CSMD1: variants seen among roughly 807,000 people sequenced by gnomAD.
The protein encoded by CSMD1 is CUB and Sushi multiple domains 1, also known as CUB and sushi domain-containing protein 1.
In CSMD1, 213 loss-of-function variants were observed where a neutral mutation model predicts 417.5. The ratio of observed to expected loss-of-function variants is 0.51; its 90% CI spans 0.46 to 0.57. The LOEUF is 0.57. Ranked by LOEUF, CSMD1 falls within the 20% of genes least tolerant of loss-of-function variation. The pLI is 0.00. For synonymous variants in CSMD1, 2,862 were observed against 1,736.8 expected, an observed-to-expected ratio of 1.65 and a Z score of -16.11; for missense variants, 6,923 against 4,529.7, an observed-to-expected ratio of 1.53 and a Z score of -15.17.
At position 4,763,297 on chromosome 8, in the gene CSMD1, G is replaced by A. The variant is rs543464304; in HGVS notation, c.86-125739C>T. On this transcript the variant is annotated intron_variant, in intron 1 of 69. Coordinates refer to ENST00000635120, the MANE Select transcript of CSMD1 (RefSeq NM_033225.6). ...ATTTCATGTGCTTTGTAGATATAAA[G>A]TAACTCTTTCCCTCCTGAATGATCT... Among the ~76,000 whole-genome samples, 18 of 152,254 alleles carry A rather than the reference G, an allele frequency of 1.2e-4. No homozygotes were observed. In the South Asian group the frequency reaches 2.9e-3, roughly 25 times the overall value.
intron 10 of CSMD1, among the ~76,000 whole-genome samples, chr8:3,560,858 G>C (rs1799439747): frequency 6.6e-6 from 1 of 152,082 alleles, no homozygotes. Context: ...AGGGTCTTTT[G>C]TAGAATTTCA....
chr8:3,263,458 G>C (rs1360758855), intron 26 of CSMD1, among the ~76,000 whole-genome samples: 2 of 152,000 alleles, frequency 1.3e-5, no homozygotes, highest in Non-Finnish European at 2.9e-5. Context: ...GGATACATTG[G>C]GTCTTTGTTT....
chr8:3,798,722 A>T (rs1800297985), intron 5 of CSMD1, among the ~76,000 whole-genome samples: 1 of 152,164 alleles, frequency 6.6e-6, no homozygotes, highest in Non-Finnish European at 1.5e-5. Context: ...CTGTATGTAT[A>T]CATATACAAA....
At chr8:4,127,650 C>A (rs1306680898) in intron 3 of CSMD1, among the ~76,000 whole-genome samples, 3 of 151,962 alleles carry the variant, frequency 2.0e-5, no homozygotes, top group Non-Finnish European at 2.9e-5. Context: ...ACCACTCACC[C>A]CCTTTACTTA....
In CSMD1 at chr8:3,387,669, C is replaced by G. The variant is rs1335435632; in HGVS notation, c.2607G>C (p.Glu869Asp). The G allele has an allele frequency of 2.5e-6, 4 of 1,596,002 alleles. No homozygotes were observed. The African/African-American group carries it at 4.0e-5, about 16-fold the overall frequency. The change falls in exon 18 of 70, where the codon GAG (glutamate) becomes GAC (aspartate). Residue 869 changes from glutamate to aspartate, a missense_variant. Physicochemically the swap from Glu to Asp is conservative, Grantham distance 45 (BLOSUM62 2). Coordinates refer to ENST00000635120, the MANE Select transcript of CSMD1 (RefSeq NM_033225.6). ...TGCCCGGGTCCAGGCAGGAATCCGA[C>G]TCAAGCGTCACACCTGGATGCACAG... ...FLIHYESVTL[E>D]SDSCLDPGIP...
At chr8:3,454,537 G>C (rs1030402391) in intron 12 of CSMD1, among the ~76,000 whole-genome samples, 2 of 152,158 alleles carry the variant, frequency 1.3e-5, no homozygotes, top group African/African-American at 4.8e-5. Context: ...GCATTTGCTT[G>C]TCTGTAAAGG....
intron 3 of CSMD1, among the ~76,000 whole-genome samples, chr8:4,284,857 C>G (rs1163859284): frequency 6.6e-6 from 1 of 150,888 alleles, no homozygotes; most frequent in Admixed American, 6.6e-5. Context: ...GAAACAAAAA[C>G]AAAAAAAAAC....
intron 2 of CSMD1, among the ~76,000 whole-genome samples, chr8:4,553,671 G>A (rs1022461356): frequency 1.3e-5 from 2 of 152,134 alleles, no homozygotes; most frequent in African/African-American, 2.4e-5. Flanking sequence ...ACTATCTTCA[G>A]CACATTTCCC....
intron 1 of CSMD1, among the ~76,000 whole-genome samples, chr8:4,962,034 G>A (rs1048167631): frequency 4.0e-5 from 6 of 151,378 alleles, no homozygotes; most frequent in South Asian, 2.1e-4. Flanking sequence ...TAATAACTTT[G>A]GGAAGGTTTT....
intron 10 of CSMD1, among the ~76,000 whole-genome samples, chr8:3,564,046 G>T (rs1265948493): frequency 4.6e-5 from 7 of 151,922 alleles, no homozygotes; most frequent in African/African-American, 1.5e-4. Context: ...TATATTTTGG[G>T]GGTACACGTG....
At chr8:3,615,471 C>T (rs1218654561) in intron 8 of CSMD1, among the ~76,000 whole-genome samples, 1 of 152,130 alleles carries the variant, frequency 6.6e-6, no homozygotes, top group Non-Finnish European at 1.5e-5. Flanking sequence ...TCAGCGAAAA[C>T]ACAAACTTCT....
chr8:4,053,881 G>T (rs903999597), intron 3 of CSMD1, among the ~76,000 whole-genome samples: 1 of 152,070 alleles, frequency 6.6e-6, no homozygotes, highest in Non-Finnish European at 1.5e-5. Context: ...GAAATTAGTT[G>T]CTATAATTAT....
At chr8:3,391,051 G>A (rs763578889) in intron 17 of CSMD1, among the ~76,000 whole-genome samples, 24 of 152,166 alleles carry the variant, frequency 1.6e-4, no homozygotes, top group Non-Finnish European at 3.4e-4. Context: ...ATCCATGCGT[G>A]TGCCTGTGAG....
At chr8:4,076,548 C>A (rs899579780) in intron 3 of CSMD1, among the ~76,000 whole-genome samples, 8 of 152,110 alleles carry the variant, frequency 5.3e-5, no homozygotes, top group Non-Finnish European at 8.8e-5. Flanking sequence ...ACCTAAAACA[C>A]AAATAGCTAA....
intron 3 of CSMD1, among the ~76,000 whole-genome samples, chr8:4,392,805 T>C (rs1031586175): frequency 6.6e-6 from 1 of 151,526 alleles, no homozygotes; most frequent in African/African-American, 2.4e-5. Flanking sequence ...CCATCTCTAG[T>C]AAAAATACAA....
rs13281118 is a variant in CSMD1, at chr8:4,400,793, T to G, written c.415+19160A>C. Reference sequence around the variant, plus strand: ...TTTTTTTTTCCTTTTTAAAAAACTATTGATGAGCTCATGCTTTTAAAGGAT... The same window carrying G: ...TTTTTTTTTCCTTTTTAAAAAACTAGTGATGAGCTCATGCTTTTAAAGGAT... On this transcript the variant is annotated intron_variant, in intron 3 of 69. Coordinates refer to ENST00000635120, the MANE Select transcript of CSMD1 (RefSeq NM_033225.6). 9.5e-3 allele frequency among the ~76,000 whole-genome samples: 1,445 copies of G among 151,332 alleles called. 5 individuals carry two copies. The highest frequency in any genetic ancestry group is 0.012 in the Admixed American group (185 of 15,154).
intron 7 of CSMD1, among the ~76,000 whole-genome samples, chr8:3,661,319 A>G (rs1286825446): frequency 6.6e-6 from 1 of 152,150 alleles, no homozygotes; most frequent in Non-Finnish European, 1.5e-5. Context: ...CAAACAAGGC[A>G]AATGCCAACC....
At chr8:4,144,839 G>A (rs372092667) in intron 3 of CSMD1, among the ~76,000 whole-genome samples, 1 of 150,964 alleles carries the variant, frequency 6.6e-6, no homozygotes, top group Non-Finnish European at 1.5e-5. Flanking sequence ...CATTCACAAT[G>A]CAGGGAACCA....
chr8:4,198,000 T>C (rs1799436913), intron 3 of CSMD1, among the ~76,000 whole-genome samples: 1 of 152,244 alleles, frequency 6.6e-6, no homozygotes. Context: ...AAACATGCTA[T>C]CTTTCCTTAA....
Sources: allele counts gnomAD v4.1 joint callset (sites outside exome capture counted in the v4.1 genomes callset), GRCh38; gene constraint gnomAD v4.1.1; transcripts MANE v1.5; gene names NCBI Gene and HGNC (gene_info 2026-07-23, HGNC 2026-07-21).